Variants in MYEF2 observed in about 807,000 individuals in gnomAD.
The protein encoded by MYEF2 is myelin gene expression factor 2.
A neutral mutation model predicts 75.2 loss-of-function variants in MYEF2; 37 were observed. That is an observed-to-expected ratio of 0.49 (90% CI 0.38 to 0.65). MYEF2 has a LOEUF of 0.65. MYEF2 is among the 30% of genes least tolerant of loss of function. The probability of loss-of-function intolerance (pLI) is 0.00; values close to 1 mark genes in which losing one functional copy is unlikely to be tolerated. For synonymous variants in MYEF2, 195 were observed against 241.6 expected, an observed-to-expected ratio of 0.81 and a Z score of 1.79; for missense variants, 634 against 771.4, an observed-to-expected ratio of 0.82 and a Z score of 2.11.
chr15:48,168,771 G>A lies in MYEF2; in HGVS notation c.230C>T (p.Ala77Val). 1 of 1,613,492 alleles carries A rather than the reference G, an allele frequency of 6.2e-7. No homozygotes were observed. The highest frequency in any genetic ancestry group is 8.5e-7 in the Non-Finnish European group (1 of 1,179,658). Reference sequence around the variant, plus strand: ...TTTTGAATAAGGATGAAATCTATTGGCCTTCTTACTTCCTGTAGATTTTTC... The same window carrying A: ...TTTTGAATAAGGATGAAATCTATTGACCTTCTTACTTCCTGTAGATTTTTC... ...LKEKSTGSKK[A>V]NRFHPYSKDK... Residue 77 changes from alanine (A) to valine (V), a missense_variant, in exon 2 of 17, where the codon GCC (alanine) becomes GTC (valine). By Grantham distance (64) the Ala-to-Val change is moderately conservative (BLOSUM62 0). Coordinates refer to ENST00000324324, the MANE Select transcript of MYEF2 (RefSeq NM_016132.5).
Position 48,144,057 on chromosome 15 carries a change from T to C in MYEF2, c.1640-986A>G, listed in dbSNP as rs559542464. 2.6e-5 allele frequency among the ~76,000 whole-genome samples: 4 copies of C among 152,022 alleles called. No individual in the cohort carries two copies. In the East Asian group the frequency reaches 7.7e-4, roughly 29 times the overall value. ...TTTCCCTCCCCACTAGATGTACATG[T>C]CAAAACAAATCAAGTTAGAAGACTT... On this transcript the variant is annotated intron_variant, in intron 16 of 16. Transcript: ENST00000324324.
chr15:48,177,699 G>A (rs1567283180), intron 1 of MYEF2, among the ~76,000 whole-genome samples: 1 of 152,164 alleles, frequency 6.6e-6, no homozygotes, highest in Admixed American at 6.5e-5. Flanking sequence ...ATACTCCCTA[G>A]TGATGAACAC....
intron 9 of MYEF2, chr15:48,157,124 A>T (rs1480505741): frequency 6.6e-6 from 1 of 152,150 alleles, no homozygotes; most frequent in African/African-American, 2.4e-5. Flanking sequence ...AGATGCAGTG[A>T]AATAGTAAAA....
chr15:48,178,152 G>C lies in MYEF2; in HGVS notation c.86C>G (p.Pro29Arg), dbSNP rs772829180. Reference sequence around the variant, plus strand: ...CTCCGCGGGGTGCGGCTCTCGCCGCGGCTCGCCCGGCGGCTCTGCGGGCTG... The same window carrying C: ...CTCCGCGGGGTGCGGCTCTCGCCGCCGCTCGCCCGGCGGCTCTGCGGGCTG... ...HLQPAEPPGE[P>R]RREPHPAEAE... The change falls in exon 1 of 17, where the codon CCG (proline) becomes CGG (arginine). Residue 29 changes from proline to arginine, a missense_variant. Pro to Arg is a moderately radical substitution (Grantham distance 103). Transcript: ENST00000324324. 6.4e-6 allele frequency: 10 copies of C among 1,564,938 alleles called. No homozygotes were observed. Among genetic ancestry groups the C allele is most frequent in the Non-Finnish European group, 7.8e-6 (9 of 1,156,308 alleles).
rs776516602 is a variant in MYEF2 at position 48,149,111 on chromosome 15, T to C, written c.1588-28A>G. ...AGAATGAAAAGAGGTATTAGTAACA[T>C]ATATACAAGAAAAAAAAGAATTTGA... On this transcript the variant is annotated intron_variant, in intron 15 of 16. Transcript: ENST00000324324. This position sits in a 1 kb window ranked among gnomAD's most constrained non-coding sequence, Gnocchi z 4.0. The C allele has an allele frequency of 1.4e-5, 23 of 1,612,396 alleles. No homozygotes were observed. Among genetic ancestry groups the C allele is most frequent in the Admixed American group, 3.3e-5 (2 of 59,868 alleles).
chr15:48,165,649 A>G (rs1006771912), intron 5 of MYEF2, among the ~76,000 whole-genome samples: 1 of 152,016 alleles, frequency 6.6e-6, no homozygotes, highest in Non-Finnish European at 1.5e-5. Context: ...AAATAAACTT[A>G]GCACCTAAAG....
chr15:48,164,019 G>A (rs2040047652), intron 5 of MYEF2, among the ~76,000 whole-genome samples: 1 of 152,154 alleles, frequency 6.6e-6, no homozygotes, highest in African/African-American at 2.4e-5. Context: ...TATCCACTCT[G>A]TAACCCATCA....
At chr15:48,158,671 A>T (rs962528777) in intron 7 of MYEF2, 98 bp downstream of exon 7, 1 of 1,425,288 alleles carries the variant, frequency 7.0e-7, no homozygotes, top group African/African-American at 1.4e-5. Context: ...CACATCTCTA[A>T]GCCAGGCAAC....
Position 48,176,339 on chromosome 15 carries a change from T to C in MYEF2, c.161+1738A>G, listed in dbSNP as rs139222334. Reference sequence around the variant, plus strand: ...AGTAAGAGAAATCCCTGAGAGTAAATTGGACTCGATTCAACTTCTGGGAAA... The same window carrying C: ...AGTAAGAGAAATCCCTGAGAGTAAACTGGACTCGATTCAACTTCTGGGAAA... On this transcript the variant is annotated intron_variant, in intron 1 of 16. Coordinates refer to ENST00000324324, the MANE Select transcript of MYEF2 (RefSeq NM_016132.5). Among the ~76,000 whole-genome samples, 5 of 151,830 alleles carry C rather than the reference T, an allele frequency of 3.3e-5. No individual in the cohort carries two copies. The East Asian group carries it at 7.8e-4, about 24-fold the overall frequency.
In MYEF2 at chr15:48,160,492, C is replaced by T. The variant is rs947204809; in HGVS notation, c.526-688G>A. Among the ~76,000 whole-genome samples the T allele has an allele frequency of 7.3e-5, 11 of 151,418 alleles. 1 individual carries two copies. The highest frequency in any genetic ancestry group is 1.5e-4 in the African/African-American group (6 of 41,202). ...CTTTAAACAAAACCAAACATACACA[C>T]ACACACACACACACACACACACACA... On this transcript the variant is annotated intron_variant, in intron 5 of 16. Coordinates refer to ENST00000324324, the MANE Select transcript of MYEF2 (RefSeq NM_016132.5).
chr15:48,178,248 C>T lies in MYEF2; in HGVS notation c.-11G>A, dbSNP rs1297195743. ...GTTGGCGTCCGCCATCCCGCCGCCG[C>T]TGCCTCCGCCTCGGCCGCCTGAGCT... On this transcript the variant is annotated 5_prime_UTR_variant, in exon 1 of 17. Coordinates refer to ENST00000324324, the MANE Select transcript of MYEF2 (RefSeq NM_016132.5). 1 of 1,386,204 alleles carries T rather than the reference C, an allele frequency of 7.2e-7. No homozygotes were observed. Among genetic ancestry groups the T allele is most frequent in the Admixed American group, 4.0e-5 (1 of 25,290 alleles). The allele number at this position is 1,386,204 out of a possible 1,614,324, so 85.9% of individuals were successfully genotyped here.
At chr15:48,177,955 GC>G (rs1331025481) in intron 1 of MYEF2, 121 bp downstream of exon 1, 2 of 1,319,764 alleles carry the variant, frequency 1.5e-6, no homozygotes, top group Non-Finnish European at 2.0e-6. Context: ...GAAGCCGATG[GC>G]CCGGGGGCGG....
Position 48,152,452 on chromosome 15 carries a change from G to A in MYEF2, c.1088-168C>T, listed in dbSNP as rs373075802. ...TTTAAAGTGCTATGCCATAGCAGCT[G>A]TCTAATCATGAATCTTCAAAAGGGT... On this transcript the variant is annotated intron_variant, in intron 10 of 16. Transcript: ENST00000324324. 4.3e-5 allele frequency: 23 copies of A among 530,272 alleles called. No individual in the cohort carries two copies. In the African/African-American group the frequency reaches 4.4e-4, roughly 10 times the overall value. The allele number at this position is 530,272 out of a possible 1,614,324, so 32.8% of individuals were successfully genotyped here.
chr15:48,172,444 C>T (rs1185373507), intron 1 of MYEF2, among the ~76,000 whole-genome samples: 1 of 148,252 alleles, frequency 6.7e-6, no homozygotes, highest in African/African-American at 2.5e-5. Context: ...CCTAACTTTA[C>T]ACCTCAAGGA....
Position 48,177,745 on chromosome 15 carries a change from C to A in MYEF2, c.161+332G>T, listed in dbSNP as rs185834865. Among the ~76,000 whole-genome samples, 284 of 152,310 alleles carry A rather than the reference C, an allele frequency of 1.9e-3. 1 individual carries two copies. Among genetic ancestry groups the A allele is most frequent in the African/African-American group, 6.8e-3 (281 of 41,568 alleles). ...TCCTTAAAGGGGGACCATTTTCCTG[C>A]AAACCGTGGCGGTCGCTGAGCTTTG... On this transcript the variant is annotated intron_variant, in intron 1 of 16. Coordinates refer to ENST00000324324, the MANE Select transcript of MYEF2 (RefSeq NM_016132.5).
chr15:48,134,733 G>A lies in MYEF2; in HGVS notation c.*8175C>T. 1 of 750,764 alleles carries A rather than the reference G, an allele frequency of 1.3e-6. No homozygotes were observed. The highest frequency in any genetic ancestry group is 1.8e-5 in the African/African-American group (1 of 56,420). 46.5% of individuals were successfully genotyped at this position (750,764 alleles called of 1,614,324 possible). A position where few individuals can be genotyped will look rare whatever the true frequency, so the allele number is the denominator to read the frequency against. On this transcript the variant is annotated 3_prime_UTR_variant, in exon 17 of 17. Transcript: ENST00000324324. Reference sequence around the variant, plus strand: ...GTCAGATTTATGAAAGTCTGTGTAAGTTAGAACACAATTTTACATTTTTTT... The same window carrying A: ...GTCAGATTTATGAAAGTCTGTGTAAATTAGAACACAATTTTACATTTTTTT...
At chr15:48,166,967 A>G (rs1307011727) in intron 3 of MYEF2, among the ~76,000 whole-genome samples, 1 of 152,018 alleles carries the variant, frequency 6.6e-6, no homozygotes, top group East Asian at 1.9e-4. Context: ...AATTTCAAAA[A>G]TACATTCTGA....
Position 48,153,868 on chromosome 15 carries a change from T to A in MYEF2, c.1011A>T (p.Gly337=). 6.2e-7 allele frequency: 1 copy of A among 1,613,210 alleles called. No homozygotes were observed. Among genetic ancestry groups the A allele is most frequent in the Non-Finnish European group, 8.5e-7 (1 of 1,179,470 alleles). The change falls in exon 10 of 17, where the codon GGA becomes GGT. Residue 337 remains glycine (G), a synonymous_variant. Coordinates refer to ENST00000324324, the MANE Select transcript of MYEF2 (RefSeq NM_016132.5). ...LPRGLGGIGM[G]LGPGGQPISA... Reference sequence around the variant, plus strand: ...TAATAGGCTGTCCACCCGGACCAAGTCCCATCCCAATGCCTCCAAGACCAC... The same window carrying A: ...TAATAGGCTGTCCACCCGGACCAAGACCCATCCCAATGCCTCCAAGACCAC...
intron 10 of MYEF2, chr15:48,152,528 C>T: frequency 7.1e-6 from 3 of 422,062 alleles, no homozygotes; most frequent in Non-Finnish European, 1.3e-5. Flanking sequence ...GTAACACCCA[C>T]AACATTCAGT....
Sources: gnomAD v4.1 joint callset for allele counts (sites outside exome capture counted in the v4.1 genomes callset) on GRCh38, gnomAD v4.1.1 for gene constraint, Gnocchi (gnomAD v3.1) non-coding constraint, MANE v1.5 for transcripts, NCBI Gene and HGNC (gene_info 2026-07-23, HGNC 2026-07-21) for gene names.